Variants in NKAIN3 observed in about 807,000 individuals in gnomAD.
NKAIN3 encodes sodium/potassium transporting ATPase interacting 3, also known as sodium/potassium-transporting ATPase subunit beta-1-interacting protein 3.
In NKAIN3, 25 loss-of-function variants were observed where a neutral mutation model predicts 30.2. That is an observed-to-expected ratio of 0.83 (90% CI 0.60 to 1.16). The LOEUF (loss-of-function observed/expected upper bound fraction) is 1.16. Among genes scored for constraint, NKAIN3 ranks in the 50% most tolerant of loss-of-function variants. The pLI, the probability that NKAIN3 is intolerant of heterozygous loss-of-function variation, is 0.00. For synonymous variants in NKAIN3, 91 were observed against 89.6 expected, an observed-to-expected ratio of 1.02 and a Z score of -0.09; for missense variants, 225 against 254.1, an observed-to-expected ratio of 0.89 and a Z score of 0.78.
At chr8:62,348,089 C>G (rs2351941) in intron 1 of NKAIN3, among the ~76,000 whole-genome samples, 150,460 of 152,178 alleles carry the variant, frequency 0.99, 74,387 homozygotes, top group East Asian at 1. Flanking sequence ...GGCTGCCATC[C>G]ATCTGCAGCC....
rs4737615 is a variant in NKAIN3, at chr8:62,835,732, C to T, written c.472-82721C>T. Among the ~76,000 whole-genome samples, 1,068 of 152,006 alleles carry T rather than the reference C, an allele frequency of 7.0e-3. 26 individuals carry two copies. The highest frequency in any genetic ancestry group is 0.039 in the Admixed American group (598 of 15,254). ...TGTGAAGAAAAAGAAACACTTACACCCTGCTGGTGGGAATATAAATTAGAT... is the reference window on the plus strand; with the variant it reads ...TGTGAAGAAAAAGAAACACTTACACTCTGCTGGTGGGAATATAAATTAGAT... On this transcript the variant is annotated intron_variant, in intron 4 of 6. Coordinates refer to ENST00000623646, the MANE Select transcript of NKAIN3 (RefSeq NM_001304533.3).
chr8:62,401,833 G>C (rs757264967), intron 1 of NKAIN3, among the ~76,000 whole-genome samples: 3 of 152,170 alleles, frequency 2.0e-5, no homozygotes, highest in Admixed American at 6.5e-5. Context: ...GAAAGGCGGT[G>C]ACACCATCAT....
At position 62,309,228 on chromosome 8, in the gene NKAIN3, T is replaced by C. The variant is rs539208807; in HGVS notation, c.54+60101T>C. Among the ~76,000 whole-genome samples, 90 of 150,706 alleles carry C rather than the reference T, an allele frequency of 6.0e-4. 8 individuals carry two copies. Among genetic ancestry groups the C allele is most frequent in the African/African-American group, 2.1e-3 (83 of 40,090 alleles). On this transcript the variant is annotated intron_variant, in intron 1 of 6. Transcript: ENST00000623646. ...GTTATATGTCCAAATTAAGACAAAT[T>C]TGTTTAATTATGATTAAAGGAATTG...
At chr8:62,622,006 A>G (rs1811630356) in intron 3 of NKAIN3, among the ~76,000 whole-genome samples, 1 of 152,050 alleles carries the variant, frequency 6.6e-6, no homozygotes, top group African/African-American at 2.4e-5. Context: ...CTACATGTCT[A>G]TAATTGTGGC....
intron 1 of NKAIN3, among the ~76,000 whole-genome samples, chr8:62,522,428 A>ATTTTTAT (rs1808186418): frequency 6.6e-6 from 1 of 152,088 alleles, no homozygotes; most frequent in Non-Finnish European, 1.5e-5. Context: ...ACTATACTAT[A>ATTTTTAT]CTTTTTATCC....
intron 1 of NKAIN3, among the ~76,000 whole-genome samples, chr8:62,352,785 CG>C (rs1816224703): frequency 6.6e-6 from 1 of 152,170 alleles, no homozygotes. Context: ...CCCGTCTTCT[CG>C]GCAAATTCTC....
At chr8:62,994,748 T>G (rs1206009644) in intron 5 of NKAIN3, among the ~76,000 whole-genome samples, 5 of 152,190 alleles carry the variant, frequency 3.3e-5, no homozygotes, top group African/African-American at 7.2e-5. Flanking sequence ...TCCATCTCCA[T>G]CTGGAGAGTC....
At chr8:62,337,434 A>G (rs1201971914) in intron 1 of NKAIN3, among the ~76,000 whole-genome samples, 2 of 151,916 alleles carry the variant, frequency 1.3e-5, no homozygotes, top group Non-Finnish European at 2.9e-5. Context: ...GGAGCATAGG[A>G]CAGAATGAAG....
At chr8:62,309,505 A>ATGAAGC (rs1814358619) in intron 1 of NKAIN3, among the ~76,000 whole-genome samples, 1 of 150,554 alleles carries the variant, frequency 6.6e-6, no homozygotes, top group South Asian at 2.1e-4. Flanking sequence ...GGCATGCATC[A>ATGAAGC]TGAAGCTGAT....
chr8:62,338,584 A>G (rs780938954), intron 1 of NKAIN3, among the ~76,000 whole-genome samples: 6 of 152,018 alleles, frequency 3.9e-5, no homozygotes, highest in Non-Finnish European at 5.9e-5. Context: ...AACTAATAGG[A>G]TAGATATAGG....
intron 1 of NKAIN3, among the ~76,000 whole-genome samples, chr8:62,401,013 T>TTC (rs71559370): frequency 0.046 from 6,615 of 143,796 alleles, 202 homozygotes; most frequent in Non-Finnish European, 0.06. Context: ...CTTTCTACCT[T>TTC]TCTCTCACTC....
chr8:62,336,808 G>T (rs1815566611), intron 1 of NKAIN3, among the ~76,000 whole-genome samples: 1 of 151,986 alleles, frequency 6.6e-6, no homozygotes, highest in Admixed American at 6.6e-5. Flanking sequence ...TTCAGAGGTG[G>T]CTGGGATGGT....
chr8:62,943,759 ATAT>A (rs1252364605), intron 5 of NKAIN3, among the ~76,000 whole-genome samples: 1 of 144,760 alleles, frequency 6.9e-6, no homozygotes, highest in African/African-American at 2.5e-5. Flanking sequence ...TTTATATGAT[ATAT>A]TATATTATAT....
At position 62,808,490 on chromosome 8, in the gene NKAIN3, G is replaced by A. The variant is rs534289693; in HGVS notation, c.471+61361G>A. Among the ~76,000 whole-genome samples, 7 of 152,274 alleles carry A rather than the reference G, an allele frequency of 4.6e-5. No individual in the cohort carries two copies. The East Asian group carries it at 7.7e-4, about 17-fold the overall frequency. On this transcript the variant is annotated intron_variant, in intron 4 of 6. Coordinates refer to ENST00000623646, the MANE Select transcript of NKAIN3 (RefSeq NM_001304533.3). ...GGAAACCAGCCCCTGATATTTCAACGTAGGTTCTTTTCTATTTTCCCTAAG... is the reference window on the plus strand; with the variant it reads ...GGAAACCAGCCCCTGATATTTCAACATAGGTTCTTTTCTATTTTCCCTAAG...
At chr8:62,838,129 CTGTGTGTGTGTG>C (rs4031520) in intron 4 of NKAIN3, among the ~76,000 whole-genome samples, 3 of 147,636 alleles carry the variant, frequency 2.0e-5, no homozygotes, top group Non-Finnish European at 4.5e-5. Context: ...CAATACCGCT[CTGTGTGTGTGTG>C]TGTGTGTGTG....
In NKAIN3 at chr8:62,544,368, A is replaced by G. The variant is rs557917957; in HGVS notation, c.55-35171A>G. Among the ~76,000 whole-genome samples, 10 of 152,238 alleles carry G rather than the reference A, an allele frequency of 6.6e-5. No homozygotes were observed. The South Asian group carries it at 1.9e-3, about 28-fold the overall frequency. ...GAATAGAAACAAAATTAAACATGCT[A>G]TTTTTAAAAGATAATTTTTGTGATT... On this transcript the variant is annotated intron_variant, in intron 1 of 6. Transcript: ENST00000623646.
chr8:62,344,618 T>G (rs907363569), intron 1 of NKAIN3, among the ~76,000 whole-genome samples: 3 of 152,106 alleles, frequency 2.0e-5, no homozygotes, highest in African/African-American at 7.2e-5. Context: ...ACCCTATTGC[T>G]TTTCTTTATG....
intron 1 of NKAIN3, among the ~76,000 whole-genome samples, chr8:62,471,005 C>T (rs1293860113): frequency 6.6e-6 from 1 of 152,032 alleles, no homozygotes; most frequent in East Asian, 1.9e-4. Flanking sequence ...CTAAAACACA[C>T]AGACATTCAG....
chr8:62,461,653 C>G (rs1806004556), intron 1 of NKAIN3, among the ~76,000 whole-genome samples: 1 of 152,090 alleles, frequency 6.6e-6, no homozygotes, highest in African/African-American at 2.4e-5. Context: ...AATAGAAATT[C>G]TGAAGTTGAA....
Sources: allele counts gnomAD v4.1 joint callset (sites outside exome capture counted in the v4.1 genomes callset), GRCh38; gene constraint gnomAD v4.1.1; transcripts MANE v1.5; gene names NCBI Gene and HGNC (gene_info 2026-07-23, HGNC 2026-07-21).